MED13: variants seen among roughly 807,000 people sequenced by gnomAD.
The protein encoded by MED13 is mediator complex subunit 13.
MED13 carries 23 observed loss-of-function variants against 225.2 expected under a neutral mutation model. The ratio of observed to expected loss-of-function variants is 0.10; its 90% confidence interval spans 0.07 to 0.14. The LOEUF is 0.14. Ranked by LOEUF, MED13 falls within the 10% of genes least tolerant of loss-of-function variation. The pLI is 1.00. For missense variants in MED13, 2,197 were observed against 2,594.5 expected, an observed-to-expected ratio of 0.85 and a Z score of 3.33; for synonymous variants, 942 against 889.2, an observed-to-expected ratio of 1.06 and a Z score of -1.06.
rs377557298 is a variant in MED13 at position 61,946,574 on chromosome 17, A to T, written c.6419T>A (p.Leu2140His). The stretch of plus-strand genomic sequence containing the variant: ...TGCAGGGTCACAGGTTAGCCAGGAG[A>T]GTGCATTGTACTGTTCCAAAACAAA... ...LRFVLEQYNA[L>H]SWLTCDPATQ... Residue 2140 changes from leucine (L) to histidine (H), a missense_variant, in exon 30 of 30, where the codon CTC (leucine) becomes CAC (histidine). Physicochemically the swap from Leu to His is moderately conservative, Grantham distance 99. Around this residue, in one of 12 missense-constraint regions of MED13, gnomAD observed 216 missense variants for 388.9 expected, o/e 0.56. Transcript: ENST00000397786. 6.2e-7 allele frequency: 1 copy of T among 1,613,904 alleles called. No homozygotes were observed. The highest frequency in any genetic ancestry group is 8.5e-7 in the Non-Finnish European group (1 of 1,180,000).
chr17:62,061,392 T>C (rs2081037997), intron 2 of MED13, among the ~76,000 whole-genome samples: 2 of 152,064 alleles, frequency 1.3e-5, no homozygotes, highest in Admixed American at 1.3e-4. Flanking sequence ...TTAAACATTA[T>C]GTATCTCTTA....
chr17:62,062,582 C>G lies in MED13; in HGVS notation c.301+485G>C, dbSNP rs1215185172. On this transcript the variant is annotated intron_variant, in intron 2 of 29. Transcript: ENST00000397786. ...ATAACAAAATACATGCCTTAAAACACACACACACACACACACACCACACAC... is the reference window on the plus strand; with the variant it reads ...ATAACAAAATACATGCCTTAAAACAGACACACACACACACACACCACACAC... 4.1e-5 allele frequency among the ~76,000 whole-genome samples: 3 copies of G among 72,414 alleles called. No individual in the cohort carries two copies. The South Asian group carries it at 1.0e-3, about 25-fold the overall frequency. The allele number at this position is 72,414 out of a possible 152,430, so 47.5% of individuals were successfully genotyped here.
intron 9 of MED13, among the ~76,000 whole-genome samples, chr17:62,002,741 A>C (rs1345364789): frequency 6.6e-6 from 1 of 152,240 alleles, no homozygotes; most frequent in Non-Finnish European, 1.5e-5. Context: ...CATATAAAAG[A>C]CCATGTCAAG....
At chr17:62,010,385 A>T in intron 9 of MED13, 165 bp downstream of exon 9, 1 of 439,848 alleles carries the variant, frequency 2.3e-6, no homozygotes, top group South Asian at 1.2e-4. Context: ...CATAATGAAG[A>T]AGTTCCCTGA....
Position 61,946,274 on chromosome 17 carries a change from A to C in MED13, c.*194T>G. 1 of 587,386 alleles carries C rather than the reference A, an allele frequency of 1.7e-6. No homozygotes were observed. Among genetic ancestry groups the C allele is most frequent in the Non-Finnish European group, 2.9e-6 (1 of 347,212 alleles). 36.4% of individuals were successfully genotyped at this position (587,386 alleles called of 1,614,324 possible). A position where few individuals can be genotyped will look rare whatever the true frequency, so the allele number is the denominator to read the frequency against. ...TTTTGTATGATCAGTCATCATCCTAAAGAGTTCAATAGAGTCAATGAAAAA... is the reference window on the plus strand; with the variant it reads ...TTTTGTATGATCAGTCATCATCCTACAGAGTTCAATAGAGTCAATGAAAAA... On this transcript the variant is annotated 3_prime_UTR_variant, in exon 30 of 30. Transcript: ENST00000397786.
At chr17:62,034,008 A>C (rs764732767) in intron 4 of MED13, 24 bp from the exon 5 acceptor site, 2 of 1,593,100 alleles carry the variant, frequency 1.3e-6, no homozygotes, top group Non-Finnish European at 8.6e-7. Context: ...GCAGACATCA[A>C]ATAAGTAACA....
At chr17:62,033,097 G>A (rs2080771993) in intron 5 of MED13, among the ~76,000 whole-genome samples, 1 of 152,002 alleles carries the variant, frequency 6.6e-6, no homozygotes, top group Non-Finnish European at 1.5e-5. Context: ...AGGTTGCAGT[G>A]AGCCAAGATC....
intron 3 of MED13, among the ~76,000 whole-genome samples, chr17:62,048,055 T>TACATATAC: frequency 7.5e-6 from 1 of 133,724 alleles, no homozygotes; most frequent in South Asian, 2.8e-4. Flanking sequence ...TATATATATA[T>TACATATAC]ATATATATGT....
chr17:62,010,746 G>C lies in MED13; in HGVS notation c.1771C>G (p.Gln591Glu), dbSNP rs752067544. ...SLSQSFPPQY[Q>E]EAVEPTVYVG... is the part of the protein sequence containing the mutation. ...TATACTGTAGGTTCTACAGCTTCCT[G>C]ATATTGAGGTGGGAAAGACTGGGAC... Residue 591 changes from glutamine to glutamate, a missense_variant, in exon 9 of 30, where the codon CAG becomes GAG. Gln to Glu is a conservative substitution (Grantham distance 29). Around this residue, in one of 12 missense-constraint regions of MED13, gnomAD observed 884 missense variants for 918.5 expected, o/e 0.96. Transcript: ENST00000397786. The C allele has an allele frequency of 8.1e-6, 13 of 1,613,868 alleles. No individual in the cohort carries two copies. In the African/African-American group the frequency reaches 1.1e-4, roughly 13 times the overall value.
intron 2 of MED13, among the ~76,000 whole-genome samples, chr17:62,054,063 T>G (rs570998577): frequency 5.5e-4 from 84 of 152,294 alleles, no homozygotes; most frequent in African/African-American, 1.9e-3. Context: ...TCCTAGCACT[T>G]TGGGAGGCTG....
At chr17:61,953,144 C>T in intron 26 of MED13, 31 bp from the exon 27 acceptor site, 1 of 1,595,128 alleles carries the variant, frequency 6.3e-7, no homozygotes, top group Non-Finnish European at 8.5e-7. Context: ...AAATTTAAAA[C>T]TCCATTTTCC....
intron 12 of MED13, 151 bp downstream of exon 12, chr17:61,986,855 TA>T: frequency 2.4e-6 from 1 of 423,160 alleles, no homozygotes. Context: ...ACATGAGATT[TA>T]AAAAAGAAAT....
At chr17:62,010,528 G>T in intron 9 of MED13, 22 bp downstream of exon 9, 1 of 1,381,654 alleles carries the variant, frequency 7.2e-7, no homozygotes, top group South Asian at 2.2e-5. Context: ...TTATAATGGT[G>T]ACTATTAAAA....
Position 61,982,184 on chromosome 17 carries a change from T to C in MED13, c.3805+14A>G. ...AATAAGCAAACAAAAAAGTATTTTATTGGCATACTTTACCGTTTCTTTTGG... is the reference window on the plus strand; with the variant it reads ...AATAAGCAAACAAAAAAGTATTTTACTGGCATACTTTACCGTTTCTTTTGG... On this transcript the variant is annotated intron_variant, in intron 16 of 29. Coordinates refer to ENST00000397786, the MANE Select transcript of MED13 (RefSeq NM_005121.3). 1 of 1,578,426 alleles carries C rather than the reference T, an allele frequency of 6.3e-7. No individual in the cohort carries two copies. The highest frequency in any genetic ancestry group is 8.6e-7 in the Non-Finnish European group (1 of 1,164,012).
intron 9 of MED13, among the ~76,000 whole-genome samples, chr17:62,002,687 C>T (rs1269418316): frequency 3.3e-5 from 5 of 152,050 alleles, no homozygotes; most frequent in Admixed American, 1.3e-4. Flanking sequence ...ATTATTCCAA[C>T]AAAATCCTTT....
intron 17 of MED13, among the ~76,000 whole-genome samples, chr17:61,970,679 C>CA (rs10600340): frequency 0.24 from 11,202 of 46,262 alleles, 1,767 homozygotes; most frequent in Non-Finnish European, 0.33. Context: ...GAGACTGTCT[C>CA]AAAAAAAAAA....
intron 29 of MED13, 86 bp downstream of exon 29, chr17:61,946,831 G>T: frequency 7.6e-7 from 1 of 1,322,068 alleles, no homozygotes; most frequent in Non-Finnish European, 1.1e-6. Flanking sequence ...GTAAATTCTT[G>T]CCAAAAATGA....
intron 3 of MED13, among the ~76,000 whole-genome samples, chr17:62,037,887 C>G (rs1254968204): frequency 7.8e-6 from 1 of 127,878 alleles, no homozygotes; most frequent in Admixed American, 1.0e-4. Flanking sequence ...CCCAGGGAGG[C>G]AGAGATTGCA....
At position 61,944,266 on chromosome 17, in the gene MED13, C is replaced by T. The variant is rs187963627; in HGVS notation, c.*2202G>A. ...ATCATAGGTTAGTGATTTTAAACAA[C>T]TGAGAATATAACTTTTATTTTGTAA... On this transcript the variant is annotated 3_prime_UTR_variant, in exon 30 of 30. Transcript: ENST00000397786. 316 of 152,430 alleles carry T rather than the reference C, an allele frequency of 2.1e-3. 1 individual carries two copies. The highest frequency in any genetic ancestry group is 3.1e-3 in the Non-Finnish European group (211 of 67,966). 9.4% of individuals were successfully genotyped at this position (152,430 alleles called of 1,614,324 possible). A position where few individuals can be genotyped will look rare whatever the true frequency, so the allele number is the denominator to read the frequency against.
Sources: allele counts gnomAD v4.1 joint callset (sites outside exome capture counted in the v4.1 genomes callset), GRCh38; gene constraint gnomAD v4.1.1; regional missense constraint gnomAD v4.1.1; transcripts MANE v1.5; gene names NCBI Gene and HGNC (gene_info 2026-07-23, HGNC 2026-07-21).